FARP1: variants seen among roughly 807,000 people sequenced by gnomAD.
The protein encoded by FARP1 is FERM, ARH/RhoGEF and pleckstrin domain protein 1.
FARP1 carries 52 observed loss-of-function variants against 128.8 expected under a neutral mutation model. The observed-to-expected ratio is 0.40, with a 90% CI of 0.32 to 0.51. FARP1 has a LOEUF of 0.51. Among genes scored for constraint, FARP1 ranks in the 20% least tolerant of loss-of-function variants. The probability of loss-of-function intolerance (pLI) is 0.45; values close to 1 mark genes in which losing one functional copy is unlikely to be tolerated. For missense variants in FARP1, 1,333 were observed against 1,367.9 expected (o/e 0.97, Z 0.40); for synonymous variants, 580 against 551.8 (o/e 1.05, Z -0.72).
At chr13:98,249,670 C>T (rs1482161705) in intron 2 of FARP1, among the ~76,000 whole-genome samples, 4 of 152,136 alleles carry the variant, frequency 2.6e-5, no homozygotes, top group African/African-American at 7.2e-5. Flanking sequence ...GCCTATGTCT[C>T]GGGGAGGCAG....
chr13:98,352,750 G>A (rs753478238), intron 3 of FARP1, among the ~76,000 whole-genome samples: 6 of 152,232 alleles, frequency 3.9e-5, no homozygotes, highest in Non-Finnish European at 5.9e-5. Context: ...GGATCCAGCT[G>A]CCAAATTGTA....
At chr13:98,278,252 GT>G (rs1884761169) in intron 2 of FARP1, among the ~76,000 whole-genome samples, 2 of 148,710 alleles carry the variant, frequency 1.3e-5, no homozygotes, top group African/African-American at 5.2e-5. Context: ...GTATGTGTGT[GT>G]TGTGTGTGTA....
intron 2 of FARP1, among the ~76,000 whole-genome samples, chr13:98,290,007 C>T (rs1193232713): frequency 6.6e-6 from 1 of 151,986 alleles, no homozygotes; most frequent in Non-Finnish European, 1.5e-5. Context: ...CCCCATTTTA[C>T]ACCTTTCAGT....
intron 5 of FARP1, among the ~76,000 whole-genome samples, chr13:98,370,300 G>A (rs569288241): frequency 3.3e-5 from 5 of 152,320 alleles, no homozygotes; most frequent in South Asian, 2.1e-4. Flanking sequence ...TGTTGGGAGC[G>A]TCGTGGTGAG....
At chr13:98,319,343 A>T (rs1167465889) in intron 2 of FARP1, among the ~76,000 whole-genome samples, 1 of 152,210 alleles carries the variant, frequency 6.6e-6, no homozygotes, top group African/African-American at 2.4e-5. Context: ...TTCGTCAGCC[A>T]GGTGCAGTGG....
chr13:98,181,262 G>A (rs1275170231), intron 1 of FARP1, among the ~76,000 whole-genome samples: 2 of 152,156 alleles, frequency 1.3e-5, no homozygotes. Flanking sequence ...ACATGTTAAC[G>A]TAGCTTGGCT....
chr13:98,158,969 G>T (rs1454091540), intron 1 of FARP1, among the ~76,000 whole-genome samples: 1 of 152,032 alleles, frequency 6.6e-6, no homozygotes, highest in Non-Finnish European at 1.5e-5. Flanking sequence ...CATAATTTTG[G>T]GCCAGGAAGG....
chr13:98,231,861 C>G (rs1273656762), intron 2 of FARP1, among the ~76,000 whole-genome samples: 1 of 151,854 alleles, frequency 6.6e-6, no homozygotes, highest in Non-Finnish European at 1.5e-5. Flanking sequence ...GAGTTTTGCT[C>G]TTGTGGCCCA....
At chr13:98,215,937 C>T (rs970718869) in intron 2 of FARP1, among the ~76,000 whole-genome samples, 1 of 152,016 alleles carries the variant, frequency 6.6e-6, no homozygotes, top group African/African-American at 2.4e-5. Flanking sequence ...ACGATAGGTG[C>T]CTGCCACCAC....
chr13:98,230,965 CAA>C (rs1249125076), intron 2 of FARP1, among the ~76,000 whole-genome samples: 2 of 152,128 alleles, frequency 1.3e-5, no homozygotes, highest in African/African-American at 4.8e-5. Context: ...TGGCGGCAGA[CAA>C]GAGAAAGTGT....
At chr13:98,367,302 G>T (rs989917984) in intron 4 of FARP1, among the ~76,000 whole-genome samples, 1 of 151,948 alleles carries the variant, frequency 6.6e-6, no homozygotes, top group African/African-American at 2.4e-5. Flanking sequence ...GATTATAGGC[G>T]CCCGCCACCA....
chr13:98,379,801 A>G (rs988616527), intron 6 of FARP1, among the ~76,000 whole-genome samples: 5 of 152,270 alleles, frequency 3.3e-5, no homozygotes, highest in Admixed American at 6.5e-5. Context: ...AATATCTTAG[A>G]TGTTTGGTAT....
intron 1 of FARP1, among the ~76,000 whole-genome samples, chr13:98,190,100 T>C (rs1879124816): frequency 6.6e-6 from 1 of 152,186 alleles, no homozygotes; most frequent in African/African-American, 2.4e-5. Context: ...TGTAATGGCT[T>C]TATATTAACT....
chr13:98,244,571 G>A (rs1180352926), intron 2 of FARP1: 5 of 1,614,202 alleles, frequency 3.1e-6, no homozygotes, highest in South Asian at 1.1e-5. Context: ...TGAAGCCCAA[G>A]CACCATTCAC....
chr13:98,202,547 T>A (rs544040888), intron 1 of FARP1, among the ~76,000 whole-genome samples: 1 of 152,174 alleles, frequency 6.6e-6, no homozygotes, highest in Non-Finnish European at 1.5e-5. Flanking sequence ...TGCAAAAAGT[T>A]TCTCTTCATC....
At chr13:98,232,691 C>T (rs1882200375) in intron 2 of FARP1, among the ~76,000 whole-genome samples, 2 of 152,064 alleles carry the variant, frequency 1.3e-5, no homozygotes. Flanking sequence ...ACTGGGAAAC[C>T]AAAAAATTTG....
intron 2 of FARP1, among the ~76,000 whole-genome samples, chr13:98,263,368 G>C (rs1199628584): frequency 1.3e-5 from 2 of 152,158 alleles, no homozygotes; most frequent in Non-Finnish European, 2.9e-5. Context: ...TATTTAGAAA[G>C]CTAGGAAGGT....
At chr13:98,444,072 C>A (rs1301264713) in intron 24 of FARP1, among the ~76,000 whole-genome samples, 2 of 151,898 alleles carry the variant, frequency 1.3e-5, no homozygotes, top group Admixed American at 1.3e-4. Flanking sequence ...GAAAATGTCC[C>A]CACCTGACAG....
intron 2 of FARP1, among the ~76,000 whole-genome samples, chr13:98,342,631 C>T (rs369804822): frequency 2.0e-5 from 3 of 152,000 alleles, no homozygotes; most frequent in African/African-American, 4.8e-5. Flanking sequence ...ACCTGGGAGG[C>T]GGAGATTGCA....
Sources: gnomAD v4.1 joint callset for allele counts (sites outside exome capture counted in the v4.1 genomes callset) on GRCh38, gnomAD v4.1.1 for gene constraint, MANE v1.5 for transcripts, NCBI Gene and HGNC (gene_info 2026-07-23, HGNC 2026-07-21) for gene names.